ZNF638: variants seen among roughly 807,000 people sequenced by gnomAD.
The protein encoded by ZNF638 is CTCL tumor antigen se33-1.
Under a neutral mutation model 195.6 loss-of-function variants are expected in ZNF638, and 46 were observed. The ratio of observed to expected loss-of-function variants is 0.24; its 90% CI spans 0.19 to 0.30. The LOEUF is 0.30. Ranked by LOEUF, ZNF638 falls within the 10% of genes least tolerant of loss-of-function variation. ZNF638 has a pLI of 1.00. For synonymous variants in ZNF638, 845 were observed against 772.0 expected (o/e 1.09, Z -1.57); for missense variants, 2,440 against 2,325.3 (o/e 1.05, Z -1.01).
chr2:71,394,943 A>T (rs886285106), intron 10 of ZNF638, among the ~76,000 whole-genome samples: 1 of 152,210 alleles, frequency 6.6e-6, no homozygotes, highest in Non-Finnish European at 1.5e-5. Context: ...GACAGCAATT[A>T]AACTGTGACT....
At chr2:71,393,341 A>G (rs2079824380) in intron 10 of ZNF638, 2 of 707,980 alleles carry the variant, frequency 2.8e-6, no homozygotes, top group East Asian at 2.7e-5. Flanking sequence ...GTGTAGTCCA[A>G]ATGAATTGCT....
intron 21 of ZNF638, among the ~76,000 whole-genome samples, chr2:71,421,933 A>G (rs1475865769): frequency 6.6e-6 from 1 of 152,174 alleles, no homozygotes; most frequent in East Asian, 1.9e-4. Flanking sequence ...AAGTACTGGA[A>G]TTATAGGACT....
Position 71,423,158 on chromosome 2 carries a change from A to C in ZNF638, c.3644A>C (p.Glu1215Ala). ...AGTGACTTGGAGAAGAAAGGGGCAG[A>C]AATTATTAACCCTAAAACAGCATTG... ...FNSDLEKKGA[E>A]IINPKTALLP... Residue 1215 changes from glutamate to alanine, a missense_variant, in exon 22 of 28, where the codon GAA becomes GCA. Coordinates refer to ENST00000264447, the MANE Select transcript of ZNF638 (RefSeq NM_014497.5). 6.2e-7 allele frequency: 1 copy of C among 1,614,176 alleles called. No individual in the cohort carries two copies.
chr2:71,410,579 G>A (rs2080194412), intron 20 of ZNF638, among the ~76,000 whole-genome samples: 1 of 152,084 alleles, frequency 6.6e-6, no homozygotes, highest in Admixed American at 6.5e-5. Context: ...ATACCATGAT[G>A]AACATTGTTT....
intron 15 of ZNF638, 67 bp downstream of exon 15, chr2:71,400,585 T>C (rs1274266392): frequency 1.5e-6 from 2 of 1,359,306 alleles, no homozygotes; most frequent in East Asian, 2.5e-5. Flanking sequence ...ATTTTTCTTA[T>C]AAACCCAGGT....
At chr2:71,421,197 A>G (rs2080424770) in intron 21 of ZNF638, among the ~76,000 whole-genome samples, 1 of 152,174 alleles carries the variant, frequency 6.6e-6, no homozygotes, top group African/African-American at 2.4e-5. Flanking sequence ...CTTGTAATTT[A>G]AAGACAAAAG....
chr2:71,355,126 G>A (rs1251263606), intron 2 of ZNF638, among the ~76,000 whole-genome samples: 2 of 151,980 alleles, frequency 1.3e-5, no homozygotes, highest in Non-Finnish European at 2.9e-5. Context: ...CCGCCACAAC[G>A]CCTGGCTAAT....
chr2:71,378,610 T>A (rs2079478784), intron 8 of ZNF638, among the ~76,000 whole-genome samples: 1 of 152,158 alleles, frequency 6.6e-6, no homozygotes, highest in South Asian at 2.1e-4. Flanking sequence ...CACAAATAAG[T>A]TAAAAATGCA....
At chr2:71,432,167 CTTT>C (rs894931468) in intron 26 of ZNF638, among the ~76,000 whole-genome samples, 4 of 152,160 alleles carry the variant, frequency 2.6e-5, no homozygotes, top group Admixed American at 6.5e-5. Flanking sequence ...TCTTCTCTCT[CTTT>C]TATTTTAATG....
At chr2:71,347,671 G>A (rs1026477267) in intron 1 of ZNF638, among the ~76,000 whole-genome samples, 15 of 152,216 alleles carry the variant, frequency 9.9e-5, no homozygotes, top group Non-Finnish European at 4.4e-5. Flanking sequence ...GGCAAGTTGT[G>A]TGGCTGCTGA....
At chr2:71,388,653 C>G (rs141640223) in intron 10 of ZNF638, 1 of 896,720 alleles carries the variant, frequency 1.1e-6, no homozygotes, top group African/African-American at 1.6e-5. Context: ...CAGCTGGTGC[C>G]CCTCGTGAGG....
intron 25 of ZNF638, among the ~76,000 whole-genome samples, chr2:71,430,168 G>T (rs2080628235): frequency 6.6e-6 from 1 of 151,892 alleles, no homozygotes; most frequent in Non-Finnish European, 1.5e-5. Flanking sequence ...CCACACAATT[G>T]TAAACTTAAA....
At chr2:71,407,525 T>G (rs759090082) in intron 19 of ZNF638, 5 of 152,226 alleles carry the variant, frequency 3.3e-5, no homozygotes, top group Non-Finnish European at 7.3e-5. Flanking sequence ...ACATTTTTAT[T>G]GTAGTAAAAT....
At chr2:71,398,214 A>C (rs1020426850) in intron 11 of ZNF638, among the ~76,000 whole-genome samples, 1 of 152,128 alleles carries the variant, frequency 6.6e-6, no homozygotes, top group Non-Finnish European at 1.5e-5. Flanking sequence ...ATTTTGGAAT[A>C]TTTGCATATA....
chr2:71,383,769 T>C (rs1205523700), intron 10 of ZNF638, among the ~76,000 whole-genome samples: 35 of 137,236 alleles, frequency 2.6e-4, no homozygotes, highest in African/African-American at 8.4e-4. Context: ...TTTCTTTTTT[T>C]TTTTTTTTTT....
chr2:71,399,791 A>G (rs2079969698), intron 13 of ZNF638, 146 bp downstream of exon 13: 3 of 685,846 alleles, frequency 4.4e-6, no homozygotes, highest in African/African-American at 3.7e-5. Flanking sequence ...CCCAGATATT[A>G]AGCCTAGGAC....
intron 8 of ZNF638, among the ~76,000 whole-genome samples, chr2:71,372,532 G>C (rs2079332953): frequency 1.3e-5 from 2 of 152,198 alleles, no homozygotes; most frequent in Admixed American, 1.3e-4. Flanking sequence ...TGTGCTGTCA[G>C]GGATTTAAGG....
In ZNF638 at chr2:71,406,115, T is replaced by TA. The variant is rs1354496509; in HGVS notation, c.3001-7dup. 6.2e-7 allele frequency: 1 copy of TA among 1,612,898 alleles called. No individual in the cohort carries two copies. Among genetic ancestry groups the TA allele is most frequent in the Non-Finnish European group, 8.5e-7 (1 of 1,179,240 alleles). On this transcript the variant is annotated splice_polypyrimidine_tract_variant and intron_variant, in intron 18 of 27. Transcript: ENST00000264447. ...CTGTGGTTTTTTCTGTGCTGTCTCT[T>TA]AAAAAACTACAGGCAAACATAGATA...
chr2:71,399,984 T>G (rs983623600), intron 13 of ZNF638, 128 bp from the exon 14 acceptor site: 2 of 676,696 alleles, frequency 3.0e-6, no homozygotes, highest in Non-Finnish European at 4.6e-6. Flanking sequence ...CAAAGAGAGA[T>G]GTTTGGCTTA....
Sources: gnomAD v4.1 joint callset for allele counts (sites outside exome capture counted in the v4.1 genomes callset) on GRCh38, gnomAD v4.1.1 for gene constraint, MANE v1.5 for transcripts, NCBI Gene and HGNC (gene_info 2026-07-23, HGNC 2026-07-21) for gene names.